The following GUCY1A2 variants were observed in gnomAD, a reference collection of about 807,000 sequenced individuals.
GUCY1A2 encodes the protein guanylate cyclase soluble subunit alpha-2.
GUCY1A2 carries 27 observed loss-of-function variants against 63.5 expected under a neutral mutation model. The ratio of observed to expected loss-of-function variants is 0.43; its 90% CI spans 0.31 to 0.59. GUCY1A2 has a LOEUF of 0.59. Ranked by LOEUF, GUCY1A2 falls within the 20% of genes least tolerant of loss-of-function variation. The pLI is 0.11. For missense variants in GUCY1A2, 768 were observed against 913.3 expected, an observed-to-expected ratio of 0.84 and a Z score of 2.05; for synonymous variants, 364 against 343.5, an observed-to-expected ratio of 1.06 and a Z score of -0.66.
chr11:106,936,718 T>A (rs1591334275), intron 4 of GUCY1A2: 1 of 77,616 alleles, frequency 1.3e-5, no homozygotes, highest in Non-Finnish European at 2.3e-5. Flanking sequence ...TTGCTCTTGA[T>A]TTTTTTTTTT....
intron 6 of GUCY1A2, among the ~76,000 whole-genome samples, chr11:106,709,376 T>A (rs189170460): frequency 0.014 from 1,275 of 91,996 alleles, 36 homozygotes; most frequent in African/African-American, 0.053. Context: ...ATATAAATTA[T>A]ATATATTATA....
At chr11:106,911,107 G>A (rs1565329086) in intron 4 of GUCY1A2, among the ~76,000 whole-genome samples, 1 of 151,900 alleles carries the variant, frequency 6.6e-6, no homozygotes. Context: ...GGGAGAAGAG[G>A]AACCTGAAGA....
At chr11:106,860,643 G>T (rs1208661124) in intron 4 of GUCY1A2, among the ~76,000 whole-genome samples, 1 of 151,918 alleles carries the variant, frequency 6.6e-6, no homozygotes, top group Admixed American at 6.6e-5. Flanking sequence ...TTACGTGCCT[G>T]GTGACCCAGA....
At chr11:106,733,750 G>C (rs1418293335) in intron 6 of GUCY1A2, among the ~76,000 whole-genome samples, 2 of 152,120 alleles carry the variant, frequency 1.3e-5, no homozygotes, top group African/African-American at 4.8e-5. Flanking sequence ...CTTGGACAGG[G>C]AATACAGCCC....
chr11:106,698,407 C>A (rs1862760352), intron 7 of GUCY1A2, among the ~76,000 whole-genome samples: 1 of 151,858 alleles, frequency 6.6e-6, no homozygotes, highest in African/African-American at 2.4e-5. Flanking sequence ...CAGGCATGAG[C>A]CACTGTGCCT....
At chr11:106,877,173 T>A (rs1859761585) in intron 4 of GUCY1A2, among the ~76,000 whole-genome samples, 1 of 152,068 alleles carries the variant, frequency 6.6e-6, no homozygotes, top group African/African-American at 2.4e-5. Flanking sequence ...GTTGATTTTG[T>A]ATCCTGAGAC....
At chr11:106,710,470 G>A (rs1349311340) in intron 6 of GUCY1A2, among the ~76,000 whole-genome samples, 1 of 145,078 alleles carries the variant, frequency 6.9e-6, no homozygotes, top group Non-Finnish European at 1.5e-5. Context: ...AGTACCTAGA[G>A]CAAAGCAGGT....
At chr11:106,756,503 T>C (rs1476837688) in intron 6 of GUCY1A2, among the ~76,000 whole-genome samples, 2 of 152,200 alleles carry the variant, frequency 1.3e-5, no homozygotes, top group Non-Finnish European at 2.9e-5. Context: ...CCTTTCCATG[T>C]TTAGTGCTTC....
intron 5 of GUCY1A2, among the ~76,000 whole-genome samples, chr11:106,785,448 G>A (rs1021815126): frequency 3.6e-4 from 54 of 151,686 alleles, no homozygotes; most frequent in Non-Finnish European, 1.5e-5. Flanking sequence ...CATACCTGAT[G>A]GACAAATTTC....
At chr11:106,851,505 C>A (rs1332170162) in intron 4 of GUCY1A2, among the ~76,000 whole-genome samples, 1 of 151,908 alleles carries the variant, frequency 6.6e-6, no homozygotes, top group Non-Finnish European at 1.5e-5. Context: ...AGCATTTACT[C>A]CATCTTGAGT....
At chr11:106,771,592 GT>G (rs1029534575) in intron 6 of GUCY1A2, among the ~76,000 whole-genome samples, 23 of 151,622 alleles carry the variant, frequency 1.5e-4, no homozygotes, top group Non-Finnish European at 2.4e-4. Context: ...CTACTAAAAA[GT>G]TTTTTTTAAA....
rs146062245 is a variant in GUCY1A2 at position 106,675,597 on chromosome 11, A to G, written c.*11952T>C. ...CATCTTAATTTCTTCTATTTTTCTC[A>G]ACCATATTTCTTCTATTTTTACAAT... On this transcript the variant is annotated 3_prime_UTR_variant, in exon 8 of 8. Coordinates refer to ENST00000526355, the MANE Select transcript of GUCY1A2 (RefSeq NM_000855.3). 7.2e-4 allele frequency: 137 copies of G among 190,602 alleles called. No individual in the cohort carries two copies. Among genetic ancestry groups the G allele is most frequent in the Middle Eastern group, 3.8e-3 (2 of 528 alleles). The allele number at this position is 190,602 out of a possible 1,614,324, so 11.8% of individuals were successfully genotyped here.
At chr11:106,864,208 G>GTAT (rs1358372728) in intron 4 of GUCY1A2, among the ~76,000 whole-genome samples, 1 of 127,960 alleles carries the variant, frequency 7.8e-6, no homozygotes, top group East Asian at 2.4e-4. Context: ...AGAACTTAAA[G>GTAT]TATAATAATA....
intron 7 of GUCY1A2, 75 bp from the exon 8 acceptor site, chr11:106,687,831 C>T (rs1339171506): frequency 1.0e-6 from 1 of 958,842 alleles, no homozygotes; most frequent in Admixed American, 1.8e-5. Context: ...ATTTTAAAGG[C>T]TCAGGAAGCC....
intron 4 of GUCY1A2, among the ~76,000 whole-genome samples, chr11:106,864,156 T>C (rs1312012170): frequency 6.6e-6 from 1 of 151,928 alleles, no homozygotes; most frequent in Non-Finnish European, 1.5e-5. Flanking sequence ...ATGGCACGTG[T>C]ATACCTATGT....
At chr11:106,901,491 CTTATT>C (rs766002243) in intron 4 of GUCY1A2, among the ~76,000 whole-genome samples, 3 of 151,852 alleles carry the variant, frequency 2.0e-5, no homozygotes, top group African/African-American at 7.3e-5. Flanking sequence ...AGAAGGTTTT[CTTATT>C]TATTTTTGAA....
In GUCY1A2 at chr11:106,892,489, T is replaced by A. The variant is rs549059768; in HGVS notation, c.1206+46971A>T. ...TTCTTTTTTAATTGATATGTTTACT[T>A]TCCCAAAAACTTGCCAGTGTCCCAG... On this transcript the variant is annotated intron_variant, in intron 4 of 7. Coordinates refer to ENST00000526355, the MANE Select transcript of GUCY1A2 (RefSeq NM_000855.3). 2.0e-5 allele frequency among the ~76,000 whole-genome samples: 3 copies of A among 152,252 alleles called. No individual in the cohort carries two copies. The South Asian group carries it at 6.2e-4, about 32-fold the overall frequency.
intron 5 of GUCY1A2, 21 bp downstream of exon 5, chr11:106,809,972 T>C: frequency 3.4e-6 from 5 of 1,477,002 alleles, no homozygotes; most frequent in Non-Finnish European, 4.6e-6. Flanking sequence ...CATTTATATG[T>C]AAGTAACTAA....
At chr11:106,893,578 T>C (rs1860004470) in intron 4 of GUCY1A2, among the ~76,000 whole-genome samples, 1 of 152,138 alleles carries the variant, frequency 6.6e-6, no homozygotes, top group East Asian at 1.9e-4. Context: ...GTAAGAAACT[T>C]GGAAGTCACC....
Sources: allele counts gnomAD v4.1 joint callset (sites outside exome capture counted in the v4.1 genomes callset), GRCh38; gene constraint gnomAD v4.1.1; transcripts MANE v1.5; gene names NCBI Gene and HGNC (gene_info 2026-07-23, HGNC 2026-07-21).